NYAP2: variants seen among roughly 807,000 people sequenced by gnomAD.
NYAP2 encodes the protein neuronal tyrosine-phosphorylated phosphoinositide-3-kinase adaptor 2.
A neutral mutation model predicts 50.4 loss-of-function variants in NYAP2; 23 were observed. The ratio of observed to expected loss-of-function variants is 0.46; its 90% CI spans 0.33 to 0.65. The LOEUF is 0.65. Among genes scored for constraint, NYAP2 ranks in the 30% least tolerant of loss-of-function variants. NYAP2 has a pLI of 0.02. For synonymous variants in NYAP2, 394 were observed against 365.2 expected (o/e 1.08, Z -0.90); for missense variants, 885 against 861.0 (o/e 1.03, Z -0.35).
At chr2:225,651,322 T>C in intron 6 of NYAP2, 110 bp from the exon 7 acceptor site, 2 of 1,403,624 alleles carry the variant, frequency 1.4e-6, no homozygotes, top group Non-Finnish European at 2.0e-6. Flanking sequence ...ATCAGGAGCA[T>C]TTTGTATATT....
chr2:225,591,911 G>A (rs2106236060), intron 5 of NYAP2, among the ~76,000 whole-genome samples: 1 of 152,218 alleles, frequency 6.6e-6, no homozygotes, highest in South Asian at 2.1e-4. Flanking sequence ...AAGGGGGTGG[G>A]AAATCTTTTG....
chr2:225,511,318 G>A (rs915431741), intron 3 of NYAP2, among the ~76,000 whole-genome samples: 6 of 138,222 alleles, frequency 4.3e-5, no homozygotes, highest in Admixed American at 1.5e-4. Flanking sequence ...CTTAATTGCC[G>A]TTCTTTAAAA....
At chr2:225,419,203 A>G (rs1695175618) in intron 3 of NYAP2, among the ~76,000 whole-genome samples, 1 of 152,234 alleles carries the variant, frequency 6.6e-6, no homozygotes, top group Non-Finnish European at 1.5e-5. Flanking sequence ...CTGTAATACA[A>G]GAAGGAAGAT....
rs151260717 is a variant in NYAP2 at position 225,538,953 on chromosome 2, G to A, written c.523+25281G>A. On this transcript the variant is annotated intron_variant, in intron 4 of 6. Coordinates refer to ENST00000636099, the Ensembl canonical transcript of NYAP2. ...GGTGACTTGCTGCACCCAACAACCC[G>A]TCATCTACATTAGATATTTCTCCTA... Among the ~76,000 whole-genome samples the A allele has an allele frequency of 8.1e-3, 1,227 of 151,550 alleles. 21 individuals carry two copies. The highest frequency in any genetic ancestry group is 0.028 in the African/African-American group (1,170 of 41,258).
chr2:225,439,667 C>T (rs1689438653), intron 3 of NYAP2, among the ~76,000 whole-genome samples: 1 of 152,068 alleles, frequency 6.6e-6, no homozygotes, highest in South Asian at 2.1e-4. Flanking sequence ...ACCCACATTC[C>T]CTATCTTCAA....
the NYAP2 span, among the ~76,000 whole-genome samples, chr2:225,661,029 T>C: frequency 6.6e-6 from 1 of 152,184 alleles, no homozygotes; most frequent in African/African-American, 2.4e-5. Context: ...GAGATCATTA[T>C]CCCTCTTTTG....
the NYAP2 span, among the ~76,000 whole-genome samples, chr2:225,678,083 T>C: frequency 1.3e-5 from 2 of 152,110 alleles, no homozygotes; most frequent in Non-Finnish European, 2.9e-5. Flanking sequence ...AATTATTGAT[T>C]CTATTTCCAA....
chr2:225,520,705 G>T (rs562691536), intron 4 of NYAP2, among the ~76,000 whole-genome samples: 1 of 152,178 alleles, frequency 6.6e-6, no homozygotes, highest in African/African-American at 2.4e-5. Context: ...ATCAGGTAGC[G>T]TGATGCCTCC....
chr2:225,599,888 A>G (rs1375831212), intron 5 of NYAP2, among the ~76,000 whole-genome samples: 2 of 152,130 alleles, frequency 1.3e-5, no homozygotes, highest in Non-Finnish European at 2.9e-5. Flanking sequence ...GACATTTACA[A>G]TTTCAACTAT....
chr2:225,581,814 C>T, intron 4 of NYAP2, 127 bp from the exon 5 acceptor site: 1 of 885,364 alleles, frequency 1.1e-6, no homozygotes, highest in Non-Finnish European at 1.7e-6. Flanking sequence ...TACTCTGAAA[C>T]TCAAACTAAG....
intron 3 of NYAP2, among the ~76,000 whole-genome samples, chr2:225,423,927 G>A (rs1259788581): frequency 6.6e-6 from 1 of 152,076 alleles, no homozygotes; most frequent in Non-Finnish European, 1.5e-5. Context: ...GGTATTATCA[G>A]TGATGGAAAT....
chr2:225,580,207 C>T (rs373972392), intron 4 of NYAP2, among the ~76,000 whole-genome samples: 14 of 152,200 alleles, frequency 9.2e-5, no homozygotes, highest in Non-Finnish European at 1.6e-4. Flanking sequence ...ACTTTGTCAA[C>T]CTTGTTCACT....
At chr2:225,688,425 CA>C in the NYAP2 span, among the ~76,000 whole-genome samples, 1 of 152,172 alleles carries the variant, frequency 6.6e-6, no homozygotes, top group African/African-American at 2.4e-5. Flanking sequence ...TTTTTATGAA[CA>C]TTTATTGCAT....
chr2:225,409,342 G>T (rs949811358), intron 3 of NYAP2, among the ~76,000 whole-genome samples: 4 of 151,988 alleles, frequency 2.6e-5, no homozygotes, highest in Non-Finnish European at 5.9e-5. Context: ...ACAGGATGGG[G>T]AAAAATTCAA....
chr2:225,650,308 G>A (rs975763853), intron 6 of NYAP2, among the ~76,000 whole-genome samples: 1 of 152,198 alleles, frequency 6.6e-6, no homozygotes, highest in South Asian at 2.1e-4. Context: ...CCTCCCCAGC[G>A]TGAGCAACAC....
chr2:225,573,293 C>T (rs1241236783), intron 4 of NYAP2, among the ~76,000 whole-genome samples: 2 of 149,838 alleles, frequency 1.3e-5, no homozygotes. Flanking sequence ...TTCTTGTCAC[C>T]CAGGCTGGAG....
At chr2:225,630,123 G>A (rs1447841536) in intron 6 of NYAP2, among the ~76,000 whole-genome samples, 1 of 152,128 alleles carries the variant, frequency 6.6e-6, no homozygotes, top group Non-Finnish European at 1.5e-5. Context: ...CTATGGGATG[G>A]AACAAAGTGT....
At chr2:225,577,611 A>T (rs1692190127) in intron 4 of NYAP2, among the ~76,000 whole-genome samples, 1 of 152,126 alleles carries the variant, frequency 6.6e-6, no homozygotes. Flanking sequence ...TGTTATATAA[A>T]TTATTTACTC....
Position 225,402,241 on chromosome 2 carries a change from A to G in NYAP2, c.-18+1198A>G, listed in dbSNP as rs1330192900. Among the ~76,000 whole-genome samples the G allele has an allele frequency of 2.0e-5, 3 of 152,154 alleles. No homozygotes were observed. In the East Asian group the frequency reaches 5.8e-4, roughly 30 times the overall value. On this transcript the variant is annotated intron_variant, in intron 2 of 6. Transcript: ENST00000636099. ...GTGGAGAAGCCTGAGGACTTGAAGC[A>G]TCTGTCAAGTTTAGAAAGAGAAGTG...
Sources: gnomAD v4.1 joint callset for allele counts (sites outside exome capture counted in the v4.1 genomes callset) on GRCh38, gnomAD v4.1.1 for gene constraint, MANE v1.5 for transcripts, NCBI Gene and HGNC (gene_info 2026-07-23, HGNC 2026-07-21) for gene names.